Variants in FAM47E observed in about 807,000 individuals in gnomAD.
The protein encoded by FAM47E is protein FAM47E.
In FAM47E, 32 loss-of-function variants were observed where a neutral mutation model predicts 41.6. The ratio of observed to expected loss-of-function variants is 0.77; its 90% confidence interval spans 0.58 to 1.03. The LOEUF (loss-of-function observed/expected upper bound fraction) is 1.03, where lower values mean the gene tolerates loss of function less well. Ranked by LOEUF, FAM47E falls within the 50% of genes least tolerant of loss-of-function variation. The pLI is 0.00. For synonymous variants in FAM47E, 184 were observed against 188.7 expected, an observed-to-expected ratio of 0.98 and a Z score of 0.20; for missense variants, 424 against 485.4, an observed-to-expected ratio of 0.87 and a Z score of 1.19.
upstream of FAM47E, among the ~76,000 whole-genome samples, chr4:76,248,173 C>A (rs1296223417): frequency 6.6e-6 from 1 of 151,978 alleles, no homozygotes; most frequent in Non-Finnish European, 1.5e-5. Context: ...CTCAGCCTCC[C>A]AAAGTGCTGG....
intron 2 of FAM47E, among the ~76,000 whole-genome samples, chr4:76,263,307 A>T (rs1269431040): frequency 6.6e-6 from 1 of 152,200 alleles, no homozygotes; most frequent in Non-Finnish European, 1.5e-5. Context: ...TTATTGCCTA[A>T]TTCGTTGTGT....
chr4:76,235,291 C>T (rs1733567971), intron 2 of FAM47E, among the ~76,000 whole-genome samples: 1 of 152,100 alleles, frequency 6.6e-6, no homozygotes, highest in East Asian at 1.9e-4. Context: ...GCACTCCAGC[C>T]TGGACGATAG....
chr4:76,272,937 A>G (rs1734952512), intron 5 of FAM47E, among the ~76,000 whole-genome samples: 1 of 152,168 alleles, frequency 6.6e-6, no homozygotes, highest in Non-Finnish European at 1.5e-5. Flanking sequence ...CATTTCTTCC[A>G]GGGTGGATCT....
chr4:76,281,095 A>T (rs986322443), intron 7 of FAM47E: 1 of 152,292 alleles, frequency 6.6e-6, no homozygotes, highest in African/African-American at 2.4e-5. Flanking sequence ...GGCTGAAGTC[A>T]TAGCTGATAA....
chr4:76,255,378 C>G (rs114901538), intron 1 of FAM47E, among the ~76,000 whole-genome samples: 2,446 of 152,226 alleles, frequency 0.016, 81 homozygotes, highest in African/African-American at 0.056. Flanking sequence ...GCATTTAGAA[C>G]AGTAGAACAG....
chr4:76,266,070 G>C (rs116762605), intron 3 of FAM47E, among the ~76,000 whole-genome samples: 3,466 of 152,270 alleles, frequency 0.023, 153 homozygotes, highest in African/African-American at 0.079. Context: ...CACCATACTT[G>C]TTGTATACAT....
chr4:76,262,378 AT>A (rs1734456656), intron 2 of FAM47E, among the ~76,000 whole-genome samples: 2 of 152,116 alleles, frequency 1.3e-5, no homozygotes, highest in Non-Finnish European at 2.9e-5. Flanking sequence ...TCTCTTATAC[AT>A]TTTTTAACAT....
intron 2 of FAM47E, among the ~76,000 whole-genome samples, chr4:76,239,718 T>A (rs1218189646): frequency 3.3e-5 from 5 of 152,192 alleles, no homozygotes; most frequent in Admixed American, 2.0e-4. Context: ...ATGCACAAAA[T>A]TTTAAAATTG....
chr4:76,277,219 T>A (rs975443683), intron 5 of FAM47E, among the ~76,000 whole-genome samples: 10 of 152,176 alleles, frequency 6.6e-5, no homozygotes, highest in African/African-American at 2.4e-4. Flanking sequence ...GCGCAGTGGC[T>A]CAGGCCTGTA....
intron 2 of FAM47E, among the ~76,000 whole-genome samples, chr4:76,225,714 C>T (rs1481531404): frequency 6.6e-6 from 1 of 152,184 alleles, no homozygotes; most frequent in East Asian, 1.9e-4. Flanking sequence ...AGTTAAACCA[C>T]CCCTGTATCC....
chr4:76,223,162 C>T (rs544562182), intron 2 of FAM47E, among the ~76,000 whole-genome samples: 2 of 152,298 alleles, frequency 1.3e-5, no homozygotes, highest in Admixed American at 6.5e-5. Flanking sequence ...TAAAACAGTC[C>T]TCCAGGTGTT....
chr4:76,247,775 CTA>C (rs989146044), upstream of FAM47E, among the ~76,000 whole-genome samples: 3 of 151,776 alleles, frequency 2.0e-5, no homozygotes, highest in Admixed American at 6.6e-5. Flanking sequence ...AATATTTTGT[CTA>C]TTTTTTAATT....
At chr4:76,215,387 C>A (rs1044397930) in intron 1 of FAM47E, among the ~76,000 whole-genome samples, 1 of 152,208 alleles carries the variant, frequency 6.6e-6, no homozygotes, top group Admixed American at 6.5e-5. Context: ...CTCACTTTTT[C>A]TACTCTGCGC....
At chr4:76,228,488 A>AG (rs1733438515) in intron 2 of FAM47E, among the ~76,000 whole-genome samples, 1 of 151,168 alleles carries the variant, frequency 6.6e-6, no homozygotes, top group Non-Finnish European at 1.5e-5. Context: ...TAAAAAAAAA[A>AG]AAAGAAAGAA....
At position 76,268,671 on chromosome 4, in the gene FAM47E, C is replaced by T. The variant is rs938082244; in HGVS notation, c.572C>T (p.Thr191Met). The change falls in exon 4 of 8, where the codon ACG (threonine) becomes ATG (methionine). Residue 191 changes from threonine (T) to methionine (M), a missense_variant. Transcript: ENST00000424749. ...GATCTTATCTTTAGTTCCAAGAAGA[C>T]GTCTGTGTCAAACGCAGGCCAATGG... Reference protein sequence around the residue: ...TQVYLGPSKKTSVSNAGQWLY... With the variant: ...TQVYLGPSKKMSVSNAGQWLY... 11 of 1,550,470 alleles carry T rather than the reference C, an allele frequency of 7.1e-6. No homozygotes were observed. Among genetic ancestry groups the T allele is most frequent in the African/African-American group, 4.1e-5 (3 of 72,952 alleles).
chr4:76,215,188 G>T (rs1013002635), intron 1 of FAM47E, among the ~76,000 whole-genome samples: 1 of 152,178 alleles, frequency 6.6e-6, no homozygotes, highest in Non-Finnish European at 1.5e-5. Context: ...CGGAGCCATT[G>T]GTCAGTTATG....
chr4:76,274,184 T>A (rs1165697984), intron 5 of FAM47E, among the ~76,000 whole-genome samples: 4 of 152,216 alleles, frequency 2.6e-5, no homozygotes, highest in Non-Finnish European at 5.9e-5. Context: ...TCTTACTGGG[T>A]GTTGACTATT....
rs7696976 is a variant in FAM47E, at chr4:76,255,592, A to G, written c.75-586A>G. On this transcript the variant is annotated intron_variant, in intron 1 of 7. Transcript: ENST00000424749. The stretch of plus-strand genomic sequence containing the variant: ...TCAGCTAGTTAGGGGCTGAGTTGTC[A>G]GTGGGATCCAGGTTCTTCCCGCTCA... Among the ~76,000 whole-genome samples, 591 of 152,250 alleles carry G rather than the reference A, an allele frequency of 3.9e-3. 13 individuals carry two copies. The highest frequency in any genetic ancestry group is 0.014 in the African/African-American group (562 of 41,514).
At chr4:76,262,471 TTA>T (rs1282674275) in intron 2 of FAM47E, among the ~76,000 whole-genome samples, 4 of 152,220 alleles carry the variant, frequency 2.6e-5, no homozygotes, top group Non-Finnish European at 5.9e-5. Flanking sequence ...ATTCACTATG[TTA>T]TGTGTTTCAT....
Sources: allele counts gnomAD v4.1 joint callset (sites outside exome capture counted in the v4.1 genomes callset), GRCh38; gene constraint gnomAD v4.1.1; transcripts MANE v1.5; gene names NCBI Gene and HGNC (gene_info 2026-07-23, HGNC 2026-07-21).